Variants in SORCS2 observed in about 807,000 individuals in gnomAD.
The protein encoded by SORCS2 is VPS10 domain-containing receptor SorCS2.
Under a neutral mutation model 141.6 loss-of-function variants are expected in SORCS2, and 100 were observed. That is an observed-to-expected ratio of 0.71 (90% CI 0.60 to 0.83). The LOEUF is 0.83. Among genes scored for constraint, SORCS2 ranks in the 40% least tolerant of loss-of-function variants. The probability of loss-of-function intolerance (pLI) is 0.00; values close to 1 mark genes in which losing one functional copy is unlikely to be tolerated. For synonymous variants in SORCS2, 789 were observed against 676.9 expected (o/e 1.17, Z -2.57); for missense variants, 1,646 against 1,560.2 (o/e 1.05, Z -0.93).
At chr4:7,413,569 G>C (rs778693892) in intron 2 of SORCS2, among the ~76,000 whole-genome samples, 2 of 151,884 alleles carry the variant, frequency 1.3e-5, no homozygotes, top group Admixed American at 6.6e-5. Flanking sequence ...TGTGTTTTTA[G>C]TGGAGATGGG....
chr4:7,468,575 G>A (rs1175669927), intron 2 of SORCS2, among the ~76,000 whole-genome samples: 1 of 152,254 alleles, frequency 6.6e-6, no homozygotes, highest in African/African-American at 2.4e-5. Flanking sequence ...TTTGTTGAAT[G>A]CATCAACGCG....
rs1362030517 is a variant in SORCS2, at chr4:7,740,941, A to G, written c.*677A>G. The G allele has an allele frequency of 5.0e-6, 2 of 398,094 alleles. No homozygotes were observed. Among genetic ancestry groups the G allele is most frequent in the Non-Finnish European group, 4.4e-6 (1 of 226,378 alleles). 24.7% of individuals were successfully genotyped at this position (398,094 alleles called of 1,614,324 possible). ...CCGTACTCGGGAGCCCCTTTCCCTG[A>G]GTGCCCAGGGTGTCTCCTCTGCCCA... is the stretch of plus-strand genomic sequence containing the variant. On this transcript the variant is annotated 3_prime_UTR_variant, in exon 27 of 27. Coordinates refer to ENST00000507866, the MANE Select transcript of SORCS2 (RefSeq NM_020777.3).
At chr4:7,538,921 G>A (rs772450347) in intron 3 of SORCS2, among the ~76,000 whole-genome samples, 38 of 152,252 alleles carry the variant, frequency 2.5e-4, no homozygotes, top group Non-Finnish European at 4.7e-4. Flanking sequence ...GTGTGGTCAT[G>A]ATAAAGCATG....
chr4:7,642,829 A>T (rs1720833081), intron 4 of SORCS2, among the ~76,000 whole-genome samples: 2 of 152,182 alleles, frequency 1.3e-5, no homozygotes. Flanking sequence ...TGCTGAGAGC[A>T]CACTATTCTC....
chr4:7,236,550 C>T (rs1003466414), intron 1 of SORCS2, among the ~76,000 whole-genome samples: 6 of 152,086 alleles, frequency 3.9e-5, no homozygotes, highest in African/African-American at 1.4e-4. Context: ...CTAGTAGAGC[C>T]ACTGTTACCG....
chr4:7,423,224 A>G (rs141819498), intron 2 of SORCS2, among the ~76,000 whole-genome samples: 18 of 152,236 alleles, frequency 1.2e-4, no homozygotes, highest in African/African-American at 4.1e-4. Context: ...CAGGCCTTAA[A>G]TGCATTATTG....
At chr4:7,202,030 A>G (rs1727508098) in intron 1 of SORCS2, among the ~76,000 whole-genome samples, 1 of 152,006 alleles carries the variant, frequency 6.6e-6, no homozygotes, top group Non-Finnish European at 1.5e-5. Context: ...GGTGTAGAAG[A>G]AGTGCAGACA....
intron 3 of SORCS2, among the ~76,000 whole-genome samples, chr4:7,605,811 G>T (rs1193813446): frequency 2.0e-5 from 3 of 152,094 alleles, no homozygotes; most frequent in African/African-American, 4.8e-5. Flanking sequence ...GGGGTGAGGA[G>T]CAGGGGGAAC....
intron 4 of SORCS2, among the ~76,000 whole-genome samples, chr4:7,645,259 G>T (rs1157886245): frequency 6.6e-6 from 1 of 152,154 alleles, no homozygotes; most frequent in East Asian, 1.9e-4. Flanking sequence ...AGGGCTAGAG[G>T]TGACCAACCA....
chr4:7,498,044 G>A (rs561518747), intron 2 of SORCS2, among the ~76,000 whole-genome samples: 4 of 152,360 alleles, frequency 2.6e-5, no homozygotes, highest in Admixed American at 2.6e-4. Context: ...GTTTGACCAG[G>A]CCTCCGTTTC....
chr4:7,386,618 C>T (rs906092328), intron 1 of SORCS2, among the ~76,000 whole-genome samples: 2 of 149,546 alleles, frequency 1.3e-5, no homozygotes, highest in Admixed American at 6.6e-5. Flanking sequence ...ATATGCCCAC[C>T]ATACACATGA....
At chr4:7,407,399 C>T (rs1407386891) in intron 2 of SORCS2, among the ~76,000 whole-genome samples, 2 of 152,098 alleles carry the variant, frequency 1.3e-5, no homozygotes, top group African/African-American at 4.8e-5. Context: ...GTTATATCCT[C>T]ATGGTGCATT....
intron 2 of SORCS2, among the ~76,000 whole-genome samples, chr4:7,491,097 G>A (rs1359347907): frequency 2.0e-5 from 3 of 152,010 alleles, no homozygotes; most frequent in South Asian, 2.1e-4. Flanking sequence ...TCCACTCCCC[G>A]GCTCTCCTGC....
At chr4:7,402,136 G>T (rs2109128884) in intron 2 of SORCS2, among the ~76,000 whole-genome samples, 1 of 152,258 alleles carries the variant, frequency 6.6e-6, no homozygotes, top group Middle Eastern at 3.4e-3. Context: ...CCACACCAGA[G>T]CCGAGTCCAG....
intron 1 of SORCS2, among the ~76,000 whole-genome samples, chr4:7,388,590 C>T (rs1723639288): frequency 6.6e-6 from 1 of 152,110 alleles, no homozygotes; most frequent in African/African-American, 2.4e-5. Flanking sequence ...ATCACATTTC[C>T]TGTGTTTCCT....
At chr4:7,441,198 A>C (rs2884809) in intron 2 of SORCS2, among the ~76,000 whole-genome samples, 121,493 of 152,092 alleles carry the variant, frequency 0.8, 48,961 homozygotes, top group South Asian at 0.96. Flanking sequence ...GAGTGAGGCT[A>C]GAAGGAGTTG....
intron 2 of SORCS2, among the ~76,000 whole-genome samples, chr4:7,506,265 T>G (rs1053551687): frequency 6.6e-6 from 1 of 152,212 alleles, no homozygotes; most frequent in African/African-American, 2.4e-5. Flanking sequence ...CTGGGCTTAA[T>G]GAGGCCTAAA....
chr4:7,685,023 C>T (rs1315216251), intron 10 of SORCS2, among the ~76,000 whole-genome samples: 1 of 152,202 alleles, frequency 6.6e-6, no homozygotes, highest in African/African-American at 2.4e-5. Context: ...TGCTCAAGCC[C>T]CGCTCCTGCT....
intron 2 of SORCS2, among the ~76,000 whole-genome samples, chr4:7,445,022 G>A (rs1727898925): frequency 1.3e-5 from 2 of 152,124 alleles, no homozygotes; most frequent in South Asian, 4.2e-4. Flanking sequence ...GGAGCAGAGG[G>A]AGGGCGGGGA....
Sources: gnomAD v4.1 joint callset for allele counts (sites outside exome capture counted in the v4.1 genomes callset) on GRCh38, gnomAD v4.1.1 for gene constraint, MANE v1.5 for transcripts, NCBI Gene and HGNC (gene_info 2026-07-23, HGNC 2026-07-21) for gene names.